The following DCC variants were observed in gnomAD, a reference collection of about 807,000 sequenced individuals.
DCC encodes DCC netrin 1 receptor.
In DCC, 58 loss-of-function variants were observed where a neutral mutation model predicts 172.5. The ratio of observed to expected loss-of-function variants is 0.34; its 90% confidence interval spans 0.27 to 0.42. DCC has a LOEUF of 0.42. DCC is among the 10% of genes least tolerant of loss of function. The pLI, the probability that DCC is intolerant of heterozygous loss-of-function variation, is 1.00. For missense variants in DCC, 1,740 were observed against 1,791.0 expected (o/e 0.97, Z 0.51); for synonymous variants, 709 against 644.5 (o/e 1.10, Z -1.52).
intron 15 of DCC, among the ~76,000 whole-genome samples, chr18:53,356,190 G>C (rs990918102): frequency 6.6e-6 from 1 of 152,002 alleles, no homozygotes; most frequent in Non-Finnish European, 1.5e-5. Context: ...AAAGTGCTAG[G>C]ATTTCCAGTG....
At chr18:52,834,735 T>G (rs2038673979) in intron 2 of DCC, among the ~76,000 whole-genome samples, 1 of 152,202 alleles carries the variant, frequency 6.6e-6, no homozygotes, top group Non-Finnish European at 1.5e-5. Context: ...ATATGTTTTC[T>G]TAGTGACACC....
chr18:52,619,928 A>G (rs971023565), intron 1 of DCC, among the ~76,000 whole-genome samples: 7 of 152,222 alleles, frequency 4.6e-5, no homozygotes, highest in Non-Finnish European at 1.0e-4. Context: ...GGACTTGATT[A>G]TTAAAATTAC....
chr18:53,488,041 A>G (rs2045921566), intron 26 of DCC, among the ~76,000 whole-genome samples: 2 of 152,180 alleles, frequency 1.3e-5, no homozygotes, highest in South Asian at 4.1e-4. Context: ...TTTTAATGTT[A>G]GTTTAGTATT....
intron 9 of DCC, among the ~76,000 whole-genome samples, chr18:53,200,658 C>T (rs903004941): frequency 3.3e-5 from 5 of 152,060 alleles, no homozygotes; most frequent in Non-Finnish European, 7.4e-5. Context: ...GCAGATATTC[C>T]TATAGTCTAT....
chr18:52,643,114 T>A (rs373987524), intron 1 of DCC, among the ~76,000 whole-genome samples: 4 of 152,192 alleles, frequency 2.6e-5, no homozygotes, highest in African/African-American at 9.7e-5. Context: ...AAAAGAAGAA[T>A]GTTCTATAGT....
At chr18:52,755,987 G>A (rs968393445) in intron 2 of DCC, among the ~76,000 whole-genome samples, 4 of 152,042 alleles carry the variant, frequency 2.6e-5, no homozygotes, top group African/African-American at 7.2e-5. Flanking sequence ...AAAGATAAAC[G>A]AAGAACTATC....
intron 1 of DCC, among the ~76,000 whole-genome samples, chr18:52,537,849 C>T (rs62081339): frequency 0.058 from 8,790 of 152,172 alleles, 330 homozygotes; most frequent in Middle Eastern, 0.11. Flanking sequence ...TCCCCCCATA[C>T]CTTAAAGTCC....
chr18:53,474,192 T>C (rs1047919609), intron 25 of DCC, among the ~76,000 whole-genome samples: 1 of 152,164 alleles, frequency 6.6e-6, no homozygotes, highest in Non-Finnish European at 1.5e-5. Context: ...CAGGTGCATA[T>C]AAGAATGTGG....
chr18:52,734,979 C>T (rs1382127273), intron 1 of DCC, among the ~76,000 whole-genome samples: 3 of 152,032 alleles, frequency 2.0e-5, no homozygotes, highest in Non-Finnish European at 4.4e-5. Flanking sequence ...AAGAAAATGC[C>T]TTGTTTCTTC....
intron 5 of DCC, among the ~76,000 whole-genome samples, chr18:53,051,688 C>G (rs922492308): frequency 6.6e-6 from 1 of 152,062 alleles, no homozygotes; most frequent in African/African-American, 2.4e-5. Context: ...ATATGGAAAT[C>G]TGATTCCCTT....
At chr18:53,191,573 G>C (rs911978049) in intron 9 of DCC, among the ~76,000 whole-genome samples, 1 of 152,180 alleles carries the variant, frequency 6.6e-6, no homozygotes, top group South Asian at 2.1e-4. Context: ...GACAGTGATT[G>C]CTTATATGTA....
intron 9 of DCC, among the ~76,000 whole-genome samples, chr18:53,201,827 T>C (rs2055541886): frequency 6.6e-6 from 1 of 152,148 alleles, no homozygotes; most frequent in African/African-American, 2.4e-5. Flanking sequence ...TGGAAGAATA[T>C]TGAAGTGGAG....
intron 5 of DCC, among the ~76,000 whole-genome samples, chr18:53,006,471 A>G (rs989135483): frequency 6.6e-6 from 1 of 152,232 alleles, no homozygotes. Context: ...CTAGCAAAAG[A>G]GAAACTAGAG....
At chr18:52,643,160 T>C (rs2034944637) in intron 1 of DCC, among the ~76,000 whole-genome samples, 1 of 152,172 alleles carries the variant, frequency 6.6e-6, no homozygotes, top group East Asian at 1.9e-4. Context: ...AATCAATGTC[T>C]CCAGACCATT....
intron 5 of DCC, among the ~76,000 whole-genome samples, chr18:52,951,564 G>A (rs1307990968): frequency 6.6e-6 from 1 of 152,114 alleles, no homozygotes; most frequent in Non-Finnish European, 1.5e-5. Flanking sequence ...TTAGTTTGCT[G>A]AGAATGATGG....
intron 5 of DCC, among the ~76,000 whole-genome samples, chr18:52,930,615 C>A (rs2040292810): frequency 6.6e-6 from 1 of 152,014 alleles, no homozygotes; most frequent in Non-Finnish European, 1.5e-5. Context: ...AATGGAGTCT[C>A]CTTGTAAGTA....
At position 52,920,397 on chromosome 18, in the gene DCC, A is replaced by T. The variant is rs185106825; in HGVS notation, c.698-3310A>T. On this transcript the variant is annotated intron_variant, in intron 3 of 28. Transcript: ENST00000442544. ...AAAAATAGATAAAAGATCTGAACAG[A>T]CACCTCACCAAGGAATATATAAAAA... Among the ~76,000 whole-genome samples the T allele has an allele frequency of 3.2e-4, 48 of 152,266 alleles. 1 individual carries two copies. Among genetic ancestry groups the T allele is most frequent in the Admixed American group, 2.8e-3 (43 of 15,276 alleles).
chr18:52,537,491 ATAGT>A, intron 1 of DCC, among the ~76,000 whole-genome samples: 1 of 152,292 alleles, frequency 6.6e-6, no homozygotes, highest in East Asian at 1.9e-4. Context: ...AGGCAAACAC[ATAGT>A]TAGCTGAAAT....
chr18:53,014,926 G>C (rs1362678127), intron 5 of DCC, among the ~76,000 whole-genome samples: 1 of 152,032 alleles, frequency 6.6e-6, no homozygotes, highest in Non-Finnish European at 1.5e-5. Flanking sequence ...ATTCCCAAGG[G>C]AGTTCAAGAA....
Sources: gnomAD v4.1 joint callset for allele counts (sites outside exome capture counted in the v4.1 genomes callset) on GRCh38, gnomAD v4.1.1 for gene constraint, MANE v1.5 for transcripts, NCBI Gene and HGNC (gene_info 2026-07-23, HGNC 2026-07-21) for gene names.